Variants in DDX42 observed in about 807,000 individuals in gnomAD.
DDX42 encodes the protein ATP-dependent RNA helicase DDX42.
A neutral mutation model predicts 101.5 loss-of-function variants in DDX42; 22 were observed. That is an observed-to-expected ratio of 0.22 (90% CI 0.15 to 0.31). The LOEUF is 0.31. Ranked by LOEUF, DDX42 falls within the 10% of genes least tolerant of loss-of-function variation. The pLI is 1.00. For missense variants in DDX42, 849 were observed against 1,199.9 expected (o/e 0.71, Z 4.32); for synonymous variants, 402 against 401.2 (o/e 1.00, Z -0.02).
chr17:63,815,803 A>C, intron 16 of DDX42, 130 bp downstream of exon 16: 1 of 536,970 alleles, frequency 1.9e-6, no homozygotes, highest in Non-Finnish European at 3.3e-6. Context: ...ATTTGTATTT[A>C]ATCTGATTTG....
chr17:63,818,216 G>C lies in DDX42; in HGVS notation c.2635G>C (p.Asp879His). 1 of 1,614,058 alleles carries C rather than the reference G, an allele frequency of 6.2e-7. No individual in the cohort carries two copies. The highest frequency in any genetic ancestry group is 8.5e-7 in the Non-Finnish European group (1 of 1,180,022). Residue 879 changes from aspartate (D) to histidine (H), a missense_variant, in exon 18 of 18, where the codon GAT (aspartate) becomes CAT (histidine). By Grantham distance (81) the Asp-to-His change is moderately conservative. This residue lies in a region of DDX42 where 300 missense variants were observed against 304.9 expected (regional missense o/e 0.98). Coordinates refer to ENST00000389924, the MANE Select transcript of DDX42 (RefSeq NM_203499.3). ...GRHGENRGAN[D>H]GRNGESRKEA... The stretch of plus-strand genomic sequence containing the variant: ...GCATGGGGAGAACCGGGGTGCAAAT[G>C]ATGGTCGGAATGGGGAAAGCAGGAA...
intron 2 of DDX42, among the ~76,000 whole-genome samples, chr17:63,787,982 G>A (rs1055765270): frequency 7.2e-6 from 1 of 138,868 alleles, no homozygotes; most frequent in African/African-American, 2.7e-5. Context: ...TCGGTTCACC[G>A]CAACTTCAAC....
At chr17:63,801,006 T>C (rs2039760990) in intron 6 of DDX42, among the ~76,000 whole-genome samples, 1 of 151,324 alleles carries the variant, frequency 6.6e-6, no homozygotes, top group Admixed American at 6.6e-5. Context: ...CTTTTTTTCC[T>C]CTCTTTCTTC....
At chr17:63,817,007 A>T (rs773504053) in intron 17 of DDX42, 41 bp downstream of exon 17, 1 of 1,573,352 alleles carries the variant, frequency 6.4e-7, no homozygotes, top group Non-Finnish European at 8.7e-7. Context: ...TTCAGCAGTA[A>T]CTCTTGGGCA....
At chr17:63,799,349 C>T (rs149661107) in intron 4 of DDX42, 112 of 399,232 alleles carry the variant, frequency 2.8e-4, no homozygotes, top group East Asian at 1.8e-3. Flanking sequence ...TGTTGGTAAC[C>T]GCTGTTTCTA....
chr17:63,792,786 G>A (rs1166450972), intron 3 of DDX42, among the ~76,000 whole-genome samples: 1 of 151,752 alleles, frequency 6.6e-6, no homozygotes, highest in Non-Finnish European at 1.5e-5. Context: ...CCATGAACAT[G>A]GTAGCTCTAG....
chr17:63,789,172 G>A (rs2039588351), intron 2 of DDX42, among the ~76,000 whole-genome samples: 1 of 151,892 alleles, frequency 6.6e-6, no homozygotes, highest in Non-Finnish European at 1.5e-5. Context: ...TCCACTTCCT[G>A]GGTTCAAGTG....
At chr17:63,790,550 C>T (rs1045025382) in intron 2 of DDX42, among the ~76,000 whole-genome samples, 4 of 152,164 alleles carry the variant, frequency 2.6e-5, no homozygotes, top group Non-Finnish European at 4.4e-5. Flanking sequence ...CGCCTGAAGT[C>T]AGGAGTTAGA....
chr17:63,792,004 GC>G (rs144159434), intron 2 of DDX42, among the ~76,000 whole-genome samples: 5,056 of 150,934 alleles, frequency 0.033, 279 homozygotes, highest in African/African-American at 0.12. Flanking sequence ...CCCAGATTGT[GC>G]CACTGCACTC....
chr17:63,787,815 T>TG (rs1456718518), intron 2 of DDX42, among the ~76,000 whole-genome samples: 1 of 151,178 alleles, frequency 6.6e-6, no homozygotes, highest in African/African-American at 2.4e-5. Flanking sequence ...CACTCCAACC[T>TG]GGGCGACAGA....
At chr17:63,811,482 G>A in intron 13 of DDX42, 1 of 362,848 alleles carries the variant, frequency 2.8e-6, no homozygotes, top group South Asian at 4.4e-5. Flanking sequence ...AGATGTGCCT[G>A]GAAGCATCAG....
At position 63,818,760 on chromosome 17, in the gene DDX42, A is replaced by G. The variant is rs540197834; in HGVS notation, c.*362A>G. On this transcript the variant is annotated 3_prime_UTR_variant, in exon 18 of 18. Coordinates refer to ENST00000389924, the MANE Select transcript of DDX42 (RefSeq NM_203499.3). Reference sequence around the variant, plus strand: ...AAGGTGTCACCTTATAAGCATCTATAAATTGACTTCTTTTTCTTAGTTGTA... The same window carrying G: ...AAGGTGTCACCTTATAAGCATCTATGAATTGACTTCTTTTTCTTAGTTGTA... 5 of 176,586 alleles carry G rather than the reference A, an allele frequency of 2.8e-5. No individual in the cohort carries two copies. Among genetic ancestry groups the G allele is most frequent in the Non-Finnish European group, 4.9e-5 (4 of 81,708 alleles). The allele number at this position is 176,586 out of a possible 1,614,324, so 10.9% of individuals were successfully genotyped here.
At chr17:63,788,337 GTCTC>G (rs1244941180) in intron 2 of DDX42, among the ~76,000 whole-genome samples, 2 of 137,416 alleles carry the variant, frequency 1.5e-5, no homozygotes, top group Admixed American at 7.4e-5. Context: ...TTGAGATGGA[GTCTC>G]TCTCACCCAG....
intron 15 of DDX42, among the ~76,000 whole-genome samples, chr17:63,814,508 A>G (rs2039951959): frequency 6.6e-6 from 1 of 152,124 alleles, no homozygotes; most frequent in African/African-American, 2.4e-5. Context: ...ATAAACTTTT[A>G]AAACAGGACA....
chr17:63,799,732 C>T (rs2039739497), intron 5 of DDX42, 107 bp downstream of exon 5: 4 of 1,092,594 alleles, frequency 3.7e-6, no homozygotes, highest in Non-Finnish European at 5.3e-6. Flanking sequence ...TGACATTCAG[C>T]AGGGAATGTC....
At chr17:63,796,867 C>A (rs1171722543) in intron 3 of DDX42, among the ~76,000 whole-genome samples, 1 of 152,164 alleles carries the variant, frequency 6.6e-6, no homozygotes, top group Non-Finnish European at 1.5e-5. Context: ...AAAACAATTT[C>A]TCTTCATCAG....
intron 15 of DDX42, 85 bp from the exon 16 acceptor site, chr17:63,815,478 C>T: frequency 1.0e-6 from 1 of 982,020 alleles, no homozygotes; most frequent in Non-Finnish European, 1.5e-6. Context: ...TTCCCCCTTC[C>T]CACTTAATTT....
rs879781139 is a variant in DDX42 at position 63,793,872 on chromosome 17, AT to A, written c.372+1311del. Among the ~76,000 whole-genome samples, 2,162 of 148,582 alleles carry A rather than the reference AT, an allele frequency of 0.015. 118 individuals are homozygous for A. The East Asian group carries it at 0.16, about 11-fold the overall frequency. ...CAGAAAAATTTATATATATATATAT[AT>A]ATATATAATTTTTTAACTGATAACA... On this transcript the variant is annotated intron_variant, in intron 3 of 17. Transcript: ENST00000389924.
intron 6 of DDX42, among the ~76,000 whole-genome samples, chr17:63,801,397 T>C (rs559586192): frequency 6.6e-6 from 1 of 152,168 alleles, no homozygotes; most frequent in African/African-American, 2.4e-5. Flanking sequence ...GGCCTGTGTT[T>C]ACTGTTTTTG....
Sources: gnomAD v4.1 joint callset for allele counts (sites outside exome capture counted in the v4.1 genomes callset) on GRCh38, gnomAD v4.1.1 for gene constraint, gnomAD v4.1.1 regional missense constraint, MANE v1.5 for transcripts, NCBI Gene and HGNC (gene_info 2026-07-23, HGNC 2026-07-21) for gene names.